Variants in SEL1L observed in about 807,000 individuals in gnomAD.
SEL1L encodes the protein SEL1L adaptor subunit of SYVN1 ubiquitin ligase.
A neutral mutation model predicts 109.8 loss-of-function variants in SEL1L; 52 were observed. The ratio of observed to expected loss-of-function variants is 0.47; its 90% CI spans 0.38 to 0.60. The LOEUF (loss-of-function observed/expected upper bound fraction) is 0.60, where lower values mean the gene tolerates loss of function less well. Ranked by LOEUF, SEL1L falls within the 20% of genes least tolerant of loss-of-function variation. The probability of loss-of-function intolerance (pLI) is 0.00; values close to 1 mark genes in which losing one functional copy is unlikely to be tolerated. For synonymous variants in SEL1L, 373 were observed against 339.6 expected, an observed-to-expected ratio of 1.10 and a Z score of -1.08; for missense variants, 749 against 962.2, an observed-to-expected ratio of 0.78 and a Z score of 2.93.
At position 81,487,928 on chromosome 14, in the gene SEL1L, G is replaced by A. The variant is rs531005341; in HGVS notation, c.1410C>T (p.Ala470=). The change falls in exon 15 of 21, where the codon GCC becomes GCT. Residue 470 remains alanine (A), a synonymous_variant. Transcript: ENST00000336735. The part of the protein sequence containing the change: ...GRGVQVNYDL[A]LKYFQKAAEQ... ...CAGCAGCTTTCTGGAAATACTTAAG[G>A]GCTAGATCATAATTCTGTAGAAAAA... The A allele has an allele frequency of 1.5e-5, 24 of 1,612,952 alleles. No homozygotes were observed. The highest frequency in any genetic ancestry group is 5.4e-5 in the African/African-American group (4 of 74,700).
Position 81,472,594 on chromosome 14 carries a change from A to G in SEL1L, c.*4378T>C. On this transcript the variant is annotated 3_prime_UTR_variant, in exon 21 of 21. Coordinates refer to ENST00000336735, the MANE Select transcript of SEL1L (RefSeq NM_005065.6). ...CTTAAAAAATTCCTGGGACAAGGCA[A>G]TGCATAAACAAACTTTAGATAAATA... is the stretch of plus-strand genomic sequence containing the variant. 1 of 458,830 alleles carries G rather than the reference A, an allele frequency of 2.2e-6. No individual in the cohort carries two copies. Among genetic ancestry groups the G allele is most frequent in the Non-Finnish European group, 4.4e-6 (1 of 229,174 alleles). 28.4% of individuals were successfully genotyped at this position (458,830 alleles called of 1,614,324 possible).
chr14:81,502,834 G>C lies in SEL1L; in HGVS notation c.664C>G (p.Leu222Val). The change falls in exon 6 of 21, where the codon CTG becomes GTG. Residue 222 changes from leucine (L) to valine (V), a missense_variant. This residue lies in a region of SEL1L where 366 missense variants were observed against 399.8 expected (regional missense o/e 0.92). Transcript: ENST00000336735. ...KAASMNHTKALERVSYALLFG... is the reference protein window; with the variant it reads ...KAASMNHTKAVERVSYALLFG... ...AAAAGAGCATATGACACTCTCTCCA[G>C]GGCTTTGGTATGGTTCATGCTTGCT... The C allele has an allele frequency of 1.2e-6, 2 of 1,614,100 alleles. No individual in the cohort carries two copies. Among genetic ancestry groups the C allele is most frequent in the Non-Finnish European group, 1.7e-6 (2 of 1,179,972 alleles).
chr14:81,507,945 C>T (rs2140028101), intron 3 of SEL1L, among the ~76,000 whole-genome samples: 1 of 152,322 alleles, frequency 6.6e-6, no homozygotes, highest in Non-Finnish European at 1.5e-5. Context: ...ATTATTTAAT[C>T]TCTTAAGATT....
At chr14:81,500,166 C>A (rs2140013955) in intron 6 of SEL1L, among the ~76,000 whole-genome samples, 1 of 152,074 alleles carries the variant, frequency 6.6e-6, no homozygotes, top group Admixed American at 6.5e-5. Flanking sequence ...CCGCCTCAGC[C>A]TCCCAAACTG....
intron 11 of SEL1L, among the ~76,000 whole-genome samples, chr14:81,494,185 A>G (rs1883649872): frequency 6.6e-6 from 1 of 152,172 alleles, no homozygotes; most frequent in African/African-American, 2.4e-5. Flanking sequence ...CAGCAACTCA[A>G]TTTAAGCAAA....
At chr14:81,518,659 T>TA (rs35790401) in intron 3 of SEL1L, among the ~76,000 whole-genome samples, 1,053 of 84,360 alleles carry the variant, frequency 0.012, 15 homozygotes, top group East Asian at 0.033. Context: ...AGACTTCGTC[T>TA]AAAAAAAAAA....
chr14:81,499,018 A>G, intron 8 of SEL1L: 1 of 665,372 alleles, frequency 1.5e-6, no homozygotes, highest in Non-Finnish European at 1.9e-6. Context: ...TGCACAAATA[A>G]CTCCATGAAT....
At chr14:81,526,434 T>A (rs953628478) in intron 3 of SEL1L, among the ~76,000 whole-genome samples, 5 of 152,184 alleles carry the variant, frequency 3.3e-5, no homozygotes, top group Non-Finnish European at 5.9e-5. Flanking sequence ...ATTATTTTTT[T>A]AAATTTCTCA....
rs895712540 is a variant in SEL1L, at chr14:81,480,179, C to T, written c.2047-439G>A. The stretch of plus-strand genomic sequence containing the variant: ...AAGATTTTACAACAGATGACAGGCA[C>T]GGTGGCTCATTCTTTTTTATTTTTT... On this transcript the variant is annotated intron_variant, in intron 19 of 20. Coordinates refer to ENST00000336735, the MANE Select transcript of SEL1L (RefSeq NM_005065.6). 2.0e-5 allele frequency among the ~76,000 whole-genome samples: 3 copies of T among 152,094 alleles called. No homozygotes were observed. In the East Asian group the frequency reaches 5.8e-4, roughly 30 times the overall value.
At position 81,502,518 on chromosome 14, in the gene SEL1L, T is replaced by C. The variant is rs111381264; in HGVS notation, c.777+203A>G. On this transcript the variant is annotated intron_variant, in intron 6 of 20. Transcript: ENST00000336735. ...AAATGTAATTGTAGCAAGGCACAAC[T>C]GCAAAAATGTCTTCCATGACCATAA... Among the ~76,000 whole-genome samples the C allele has an allele frequency of 4.0e-3, 605 of 152,312 alleles. 1 individual carries two copies. Among genetic ancestry groups the C allele is most frequent in the Non-Finnish European group, 5.9e-3 (403 of 68,020 alleles).
rs78159685 is a variant in SEL1L at position 81,481,662 on chromosome 14, G to A, written c.2047-1922C>T. ...ATATTTTCCTAACTATATTAAATGG[G>A]GGATTGTTTTTAGTAGCATGAATAT... On this transcript the variant is annotated intron_variant, in intron 19 of 20. Transcript: ENST00000336735. Among the ~76,000 whole-genome samples the A allele has an allele frequency of 3.6e-3, 544 of 152,164 alleles. 7 individuals carry two copies. The highest frequency in any genetic ancestry group is 0.012 in the African/African-American group (518 of 41,512).
rs1244539527 is a variant in SEL1L, at chr14:81,496,758, A to G, written c.1128+1134T>C. Among the ~76,000 whole-genome samples, 3 of 152,208 alleles carry G rather than the reference A, an allele frequency of 2.0e-5. No homozygotes were observed. In the East Asian group the frequency reaches 5.8e-4, roughly 29 times the overall value. ...ATAAAAAATAAAAAAATAAATAAAA[A>G]GCAATGAAAAGGTAAATTTGAAAAT... is the stretch of plus-strand genomic sequence containing the variant. On this transcript the variant is annotated intron_variant, in intron 10 of 20. Coordinates refer to ENST00000336735, the MANE Select transcript of SEL1L (RefSeq NM_005065.6).
intron 3 of SEL1L, among the ~76,000 whole-genome samples, chr14:81,523,296 T>C (rs1311999366): frequency 6.6e-6 from 1 of 152,144 alleles, no homozygotes; most frequent in Non-Finnish European, 1.5e-5. Flanking sequence ...AATGATTTAA[T>C]CAATTATGCC....
intron 9 of SEL1L, 174 bp downstream of exon 9, chr14:81,498,239 C>A: frequency 2.4e-6 from 2 of 828,462 alleles, no homozygotes; most frequent in East Asian, 5.4e-5. Flanking sequence ...TAAATAGAAC[C>A]TAAAGCAAAA....
chr14:81,508,639 T>C (rs1364302518), intron 3 of SEL1L, among the ~76,000 whole-genome samples: 1 of 152,100 alleles, frequency 6.6e-6, no homozygotes, highest in African/African-American at 2.4e-5. Context: ...TCTCAGCTAC[T>C]GGGGAGGCTA....
At chr14:81,530,417 G>A (rs1443622244) in intron 1 of SEL1L, among the ~76,000 whole-genome samples, 2 of 152,072 alleles carry the variant, frequency 1.3e-5, no homozygotes, top group Admixed American at 6.5e-5. Context: ...CCTCTGTCCC[G>A]CTGACTCACA....
Position 81,495,107 on chromosome 14 carries a change from C to A in SEL1L, c.1159G>T (p.Gly387Trp). 6.2e-7 allele frequency: 1 copy of A among 1,614,094 alleles called. No individual in the cohort carries two copies. Among genetic ancestry groups the A allele is most frequent in the Non-Finnish European group, 8.5e-7 (1 of 1,180,014 alleles). The change falls in exon 11 of 21, where the codon GGG (glycine) becomes TGG (tryptophan). Residue 387 changes from glycine (G) to tryptophan (W), a missense_variant. Transcript: ENST00000336735. The stretch of plus-strand genomic sequence containing the variant: ...TGATGATTCTGTTCTACTCCACGCC[C>A]TCCGTGCAGGTGCAGTTGTCCAAGA... ...VGLGQLHLHG[G>W]RGVEQNHQRA...
Position 81,486,472 on chromosome 14 carries a change from A to T in SEL1L, c.1633-18T>A. The T allele has an allele frequency of 6.2e-7, 1 of 1,609,216 alleles. No individual in the cohort carries two copies. Among genetic ancestry groups the T allele is most frequent in the Non-Finnish European group, 8.5e-7 (1 of 1,177,202 alleles). On this transcript the variant is annotated intron_variant, in intron 16 of 20. Transcript: ENST00000336735. Reference sequence around the variant, plus strand: ...TTAAACAACTGTGTGAGGTGGGGAAAAAAAATATCAGTAGAAGAAAATAAG... The same window carrying T: ...TTAAACAACTGTGTGAGGTGGGGAATAAAAATATCAGTAGAAGAAAATAAG...
At position 81,526,897 on chromosome 14, in the gene SEL1L, A is replaced by T. The variant is rs966265360; in HGVS notation, c.176T>A (p.Ile59Lys). Residue 59 changes from isoleucine (I) to lysine (K), a missense_variant, in exon 3 of 21, where the codon ATA (isoleucine) becomes AAA (lysine). Physicochemically the swap from Ile to Lys is moderately radical, Grantham distance 102. Around this residue, in one of 2 missense-constraint regions of SEL1L, gnomAD observed 366 missense variants for 399.8 expected, o/e 0.92. Transcript: ENST00000336735. Reference sequence around the variant, plus strand: ...TTCAGATTCTTCTGAATCAAGAAATATTTGACCAGCAACTACTCTGCCTGC... The same window carrying T: ...TTCAGATTCTTCTGAATCAAGAAATTTTTGACCAGCAACTACTCTGCCTGC... ...TTAGRVVAGQ[I>K]FLDSEESELE... The T allele has an allele frequency of 1.6e-5, 25 of 1,599,188 alleles. No homozygotes were observed. The highest frequency in any genetic ancestry group is 2.0e-5 in the Non-Finnish European group (23 of 1,174,876).
Sources: allele counts gnomAD v4.1 joint callset (sites outside exome capture counted in the v4.1 genomes callset), GRCh38; gene constraint gnomAD v4.1.1; regional missense constraint gnomAD v4.1.1; transcripts MANE v1.5; gene names NCBI Gene and HGNC (gene_info 2026-07-23, HGNC 2026-07-21).